The following MYH14 variants were observed in gnomAD, a reference collection of about 807,000 sequenced individuals.
MYH14 encodes the protein myosin heavy chain 14.
A neutral mutation model predicts 255.5 loss-of-function variants in MYH14; 123 were observed. The ratio of observed to expected loss-of-function variants is 0.48; its 90% confidence interval spans 0.42 to 0.56. The LOEUF (loss-of-function observed/expected upper bound fraction) is 0.56. MYH14 is among the 20% of genes least tolerant of loss of function. The pLI is 0.00. For synonymous variants in MYH14, 1,095 were observed against 1,161.2 expected, an observed-to-expected ratio of 0.94 and a Z score of 1.16; for missense variants, 2,423 against 2,802.3, an observed-to-expected ratio of 0.86 and a Z score of 3.06.
chr19:50,217,055 C>A (rs967298617), intron 2 of MYH14, among the ~76,000 whole-genome samples: 3 of 152,058 alleles, frequency 2.0e-5, no homozygotes, highest in African/African-American at 7.2e-5. Flanking sequence ...GTGATCCACC[C>A]GTCTCGGCTT....
intron 3 of MYH14, among the ~76,000 whole-genome samples, chr19:50,222,479 CAAAAAAAAAAAA>C: frequency 1.4e-5 from 1 of 69,862 alleles, no homozygotes; most frequent in Admixed American, 1.7e-4. Flanking sequence ...GACTCCGTCT[CAAAAAAAAAAAA>C]AAAAAAAAAG....
In MYH14 at chr19:50,210,548, G is replaced by T. The variant is rs752343294; in HGVS notation, c.183G>T (p.Glu61Asp). ...GGCGTCTCGTGTGGGTGCCTTCGGA[G>T]CTTCACGGGTTCGAGGCGGCGGCGC... Reference protein sequence around the residue: ...TARRLVWVPSELHGFEAAALR... With the variant: ...TARRLVWVPSDLHGFEAAALR... The change falls in exon 2 of 43, where the codon GAG becomes GAT. Residue 61 changes from glutamate (E) to aspartate (D), a missense_variant. Transcript: ENST00000642316. 8.8e-6 allele frequency: 14 copies of T among 1,582,734 alleles called. No homozygotes were observed. The highest frequency in any genetic ancestry group is 1.2e-5 in the Non-Finnish European group (14 of 1,165,684).
At chr19:50,260,780 C>G in intron 20 of MYH14, 65 bp downstream of exon 20, 1 of 1,233,016 alleles carries the variant, frequency 8.1e-7, no homozygotes, top group Non-Finnish European at 1.2e-6. Flanking sequence ...AGTGTGCGTG[C>G]ATGTGTGTGT....
At chr19:50,304,218 G>A (rs2036583161) in intron 40 of MYH14, among the ~76,000 whole-genome samples, 1 of 152,172 alleles carries the variant, frequency 6.6e-6, no homozygotes, top group African/African-American at 2.4e-5. Context: ...CTCATGGGGA[G>A]GAATGTTATT....
chr19:50,236,219 G>A (rs1011312106), intron 10 of MYH14, among the ~76,000 whole-genome samples: 2 of 152,034 alleles, frequency 1.3e-5, no homozygotes, highest in Non-Finnish European at 2.9e-5. Context: ...TTTACTCCCA[G>A]CTATTTGGGG....
At position 50,255,315 on chromosome 19, in the gene MYH14, G is replaced by A. The variant is rs75915336; in HGVS notation, c.2041G>A (p.Gly681Arg). The A allele has an allele frequency of 1.3e-6, 2 of 1,550,218 alleles. No homozygotes were observed. Among genetic ancestry groups the A allele is most frequent in the East Asian group, 2.4e-5 (1 of 40,902 alleles). ...GTGCAGCTCTGCTATTTCTCCGCCA[G>A]GGGGTGGGTGTCTCTGTGCATCGAT... ...ERCSSAISPPGVEGIVGLEQV... is the reference protein window; with the variant it reads ...ERCSSAISPPRVEGIVGLEQV... The change falls in exon 17 of 43, where the codon GGG becomes AGG. Residue 681 changes from glycine (G) to arginine (R), a missense_variant. Physicochemically the swap from Gly to Arg is moderately radical, Grantham distance 125. Coordinates refer to ENST00000642316, the MANE Select transcript of MYH14 (RefSeq NM_001145809.2).
At chr19:50,304,322 GCT>G (rs2036586549) in intron 40 of MYH14, among the ~76,000 whole-genome samples, 1 of 152,176 alleles carries the variant, frequency 6.6e-6, no homozygotes, top group Non-Finnish European at 1.5e-5. Context: ...AGGCATGGTG[GCT>G]CACGCCTGTA....
At chr19:50,214,771 ACT>A (rs2032382267) in intron 2 of MYH14, among the ~76,000 whole-genome samples, 1 of 151,908 alleles carries the variant, frequency 6.6e-6, no homozygotes, top group African/African-American at 2.4e-5. Context: ...ACAGAGCCAG[ACT>A]CTGTCCCACC....
intron 33 of MYH14, 99 bp from the exon 34 acceptor site, chr19:50,286,383 C>T: frequency 8.5e-7 from 1 of 1,177,306 alleles, no homozygotes; most frequent in Admixed American, 2.6e-5. Flanking sequence ...GTCTCTTTCT[C>T]TCTCTTTCTC....
rs772439130 is a variant in MYH14 at position 50,244,251 on chromosome 19, G to A, written c.1124G>A (p.Arg375Gln). 15 of 1,613,802 alleles carry A rather than the reference G, an allele frequency of 9.3e-6. No homozygotes were observed. The highest frequency in any genetic ancestry group is 6.7e-5 in the Admixed American group (4 of 59,990). ...FSHEEIISML[R>Q]MVSAVLQFGN... The stretch of plus-strand genomic sequence containing the variant: ...GTCCTTGCGTCCCCAGCCATGCTGC[G>A]GATGGTCTCAGCAGTTCTCCAGTTT... Residue 375 changes from arginine to glutamine, a missense_variant, in exon 11 of 43, where the codon CGG becomes CAG. Around this residue, in one of 3 missense-constraint regions of MYH14, gnomAD observed 672 missense variants for 881.8 expected, o/e 0.76. Coordinates refer to ENST00000642316, the MANE Select transcript of MYH14 (RefSeq NM_001145809.2).
At chr19:50,204,065 G>A (rs909345526) in intron 1 of MYH14, among the ~76,000 whole-genome samples, 3 of 152,266 alleles carry the variant, frequency 2.0e-5, no homozygotes, top group Admixed American at 2.0e-4. Context: ...AGGCCAGAGA[G>A]AGGGGTCGTG....
At chr19:50,218,413 G>C (rs972963246) in intron 3 of MYH14, among the ~76,000 whole-genome samples, 1 of 151,810 alleles carries the variant, frequency 6.6e-6, no homozygotes. Flanking sequence ...TGGCTAACAC[G>C]GTGAAACCCC....
chr19:50,260,768 TGA>T, intron 20 of MYH14, 53 bp downstream of exon 20: 2 of 1,259,176 alleles, frequency 1.6e-6, no homozygotes, highest in Non-Finnish European at 2.2e-6. Flanking sequence ...TGTGCGTGCA[TGA>T]GTGTGCGTGC....
chr19:50,303,040 T>G (rs985092686), intron 40 of MYH14, among the ~76,000 whole-genome samples: 1 of 152,228 alleles, frequency 6.6e-6, no homozygotes, highest in African/African-American at 2.4e-5. Context: ...CTACGAGTAT[T>G]ATTTACGTAA....
chr19:50,226,944 C>A lies in MYH14; in HGVS notation c.852C>A (p.Ile284=), dbSNP rs375516674. Residue 284 remains isoleucine, a synonymous_variant, in exon 8 of 43, where the codon ATC becomes ATA. Coordinates refer to ENST00000642316, the MANE Select transcript of MYH14 (RefSeq NM_001145809.2). The part of the protein sequence containing the change: ...IRINFDVAGY[I]VGANIETYLL... Reference sequence around the variant, plus strand: ...TCAACTTTGATGTTGCCGGGTACATCGTGGGCGCCAACATTGAGACCTGTA... The same window carrying A: ...TCAACTTTGATGTTGCCGGGTACATAGTGGGCGCCAACATTGAGACCTGTA... 7 of 1,613,638 alleles carry A rather than the reference C, an allele frequency of 4.3e-6. No homozygotes were observed. Among genetic ancestry groups the A allele is most frequent in the African/African-American group, 1.3e-5 (1 of 74,834 alleles).
At chr19:50,306,326 G>A (rs978626721) in intron 40 of MYH14, among the ~76,000 whole-genome samples, 2 of 152,128 alleles carry the variant, frequency 1.3e-5, no homozygotes, top group African/African-American at 2.4e-5. Context: ...ACTGCTTAGT[G>A]CCTTCCCACT....
In MYH14 at chr19:50,280,225, C is replaced by T. The variant is rs2123419531; in HGVS notation, c.4138-6C>T. The T allele has an allele frequency of 1.9e-6, 3 of 1,552,648 alleles. No individual in the cohort carries two copies. Among genetic ancestry groups the T allele is most frequent in the Non-Finnish European group, 2.6e-6 (3 of 1,147,558 alleles). On this transcript the variant is annotated splice_region_variant and splice_polypyrimidine_tract_variant and intron_variant, in intron 31 of 42. Transcript: ENST00000642316. The surrounding 1 kb of genome is among the most constrained non-coding windows in gnomAD (Gnocchi z 4.8). ...CACCTGACATTGCCGTCTCCTCCAT[C>T]TACAGGAGCTGCTGCAGGAGGAGAC...
Position 50,309,160 on chromosome 19 carries a change from A to G in MYH14, c.5943A>G (p.Thr1981=), listed in dbSNP as rs2036757063. The change falls in exon 42 of 43, where the codon ACA becomes ACG. Residue 1981 remains threonine (T), a synonymous_variant. Coordinates refer to ENST00000642316, the MANE Select transcript of MYH14 (RefSeq NM_001145809.2). ...AGTCCATGAACCGTGAAGTGACCAC[A>G]CTGAGGAACCGGCTTCGGTATGGTC... The part of the protein sequence containing the change: ...SAESMNREVT[T]LRNRLRRGPL... 6.2e-7 allele frequency: 1 copy of G among 1,613,790 alleles called. No individual in the cohort carries two copies. Among genetic ancestry groups the G allele is most frequent in the Admixed American group, 1.7e-5 (1 of 60,000 alleles).
chr19:50,252,681 C>A lies in MYH14; in HGVS notation c.1873C>A (p.Pro625Thr). 1 of 1,601,914 alleles carries A rather than the reference C, an allele frequency of 6.2e-7. No individual in the cohort carries two copies. The highest frequency in any genetic ancestry group is 8.5e-7 in the Non-Finnish European group (1 of 1,174,616). The part of the protein sequence containing the change: ...ANEWLMKNMD[P>T]LNDNVAALLH... Reference sequence around the variant, plus strand: ...CGAGTGGCTGATGAAAAACATGGACCCTCTGAATGACAACGTCGCAGCCTT... The same window carrying A: ...CGAGTGGCTGATGAAAAACATGGACACTCTGAATGACAACGTCGCAGCCTT... The change falls in exon 16 of 43, where the codon CCT becomes ACT. Residue 625 changes from proline to threonine, a missense_variant. By Grantham distance (38) the Pro-to-Thr change is conservative. Coordinates refer to ENST00000642316, the MANE Select transcript of MYH14 (RefSeq NM_001145809.2). This position sits in a 1 kb window ranked among gnomAD's most constrained non-coding sequence, Gnocchi z 4.2.
Sources: allele counts gnomAD v4.1 joint callset (sites outside exome capture counted in the v4.1 genomes callset), GRCh38; gene constraint gnomAD v4.1.1; regional missense constraint gnomAD v4.1.1; non-coding constraint Gnocchi (gnomAD v3.1); transcripts MANE v1.5; gene names NCBI Gene and HGNC (gene_info 2026-07-23, HGNC 2026-07-21).